MIPOL1: variants seen among roughly 807,000 people sequenced by gnomAD.
MIPOL1 encodes the protein mirror-image polydactyly gene 1 protein.
In MIPOL1, 57 loss-of-function variants were observed where a neutral mutation model predicts 60.9. The ratio of observed to expected loss-of-function variants is 0.94; its 90% CI spans 0.76 to 1.17. The LOEUF (loss-of-function observed/expected upper bound fraction) is 1.17, where lower values mean the gene tolerates loss of function less well. Ranked by LOEUF, MIPOL1 falls within the 50% of genes most tolerant of loss-of-function variation. The pLI is 0.00. For missense variants in MIPOL1, 551 were observed against 511.6 expected (o/e 1.08, Z -0.74); for synonymous variants, 179 against 168.8 (o/e 1.06, Z -0.47).
chr14:37,322,463 AT>A (rs1443642686), intron 9 of MIPOL1, among the ~76,000 whole-genome samples: 1 of 151,742 alleles, frequency 6.6e-6, no homozygotes, highest in African/African-American at 2.4e-5. Flanking sequence ...GACCACATTT[AT>A]TTGTTTTACT....
intron 3 of MIPOL1, among the ~76,000 whole-genome samples, chr14:37,262,285 C>G (rs1029373669): frequency 2.0e-5 from 3 of 151,674 alleles, no homozygotes; most frequent in African/African-American, 7.3e-5. Context: ...CGGCATTGTT[C>G]TGATTATTTC....
At chr14:37,399,945 AC>A (rs1367890820) in intron 10 of MIPOL1, 1 of 152,168 alleles carries the variant, frequency 6.6e-6, no homozygotes, top group Non-Finnish European at 1.5e-5. Flanking sequence ...ATGATTGATC[AC>A]CCACTGGAAA....
intron 9 of MIPOL1, among the ~76,000 whole-genome samples, chr14:37,315,087 G>T (rs1025721900): frequency 2.6e-5 from 4 of 152,124 alleles, no homozygotes; most frequent in African/African-American, 9.7e-5. Context: ...GACAGCAGCT[G>T]GGGGGTGGGA....
At chr14:37,514,673 G>A (rs2095355282) in intron 12 of MIPOL1, among the ~76,000 whole-genome samples, 1 of 151,154 alleles carries the variant, frequency 6.6e-6, no homozygotes, top group Admixed American at 6.6e-5. Flanking sequence ...CCAGGCTGGA[G>A]TACAATGGCG....
chr14:37,251,026 G>A (rs1378203448), intron 3 of MIPOL1, among the ~76,000 whole-genome samples: 1 of 152,050 alleles, frequency 6.6e-6, no homozygotes, highest in Non-Finnish European at 1.5e-5. Flanking sequence ...GATGGGCTGG[G>A]TGATGACATC....
chr14:37,351,059 T>A lies in MIPOL1; in HGVS notation c.829-18458T>A, dbSNP rs1258285168. On this transcript the variant is annotated intron_variant, in intron 9 of 12. Coordinates refer to ENST00000684589, the MANE Select transcript of MIPOL1 (RefSeq NM_001388067.1). ...ATCTCCCAATGCTATCCCTCCCCCC[T>A]CCCCCCACCCCACAACGGTCCCCAG... 1.2e-3 allele frequency among the ~76,000 whole-genome samples: 9 copies of A among 7,378 alleles called. 1 individual carries two copies. Among genetic ancestry groups the A allele is most frequent in the Non-Finnish European group, 1.8e-3 (8 of 4,330 alleles). 4.8% of individuals were successfully genotyped at this position (7,378 alleles called of 152,430 possible).
intron 10 of MIPOL1, among the ~76,000 whole-genome samples, chr14:37,375,978 G>T (rs1327394693): frequency 6.6e-6 from 1 of 151,978 alleles, no homozygotes; most frequent in Non-Finnish European, 1.5e-5. Context: ...TATTTCTAAA[G>T]AATAAATGTT....
chr14:37,306,109 A>C lies in MIPOL1; in HGVS notation c.624-1947A>C, dbSNP rs575775012. Among the ~76,000 whole-genome samples, 452 of 152,000 alleles carry C rather than the reference A, an allele frequency of 3.0e-3. 4 individuals are homozygous for C. The highest frequency in any genetic ancestry group is 0.01 in the African/African-American group (423 of 41,544). On this transcript the variant is annotated intron_variant, in intron 7 of 12. Coordinates refer to ENST00000684589, the MANE Select transcript of MIPOL1 (RefSeq NM_001388067.1). ...TTTAAATTATTAGTAGGGAATTTTA[A>C]TATTAGACTAAATACAATTATCTTA...
Position 37,392,675 on chromosome 14 carries a change from AT to A in MIPOL1, c.936+23052del, listed in dbSNP as rs558435127. Among the ~76,000 whole-genome samples the A allele has an allele frequency of 5.9e-5, 9 of 152,246 alleles. No individual in the cohort carries two copies. The South Asian group carries it at 1.9e-3, about 32-fold the overall frequency. Reference sequence around the variant, plus strand: ...TGTGGTTTTTTTGTAAATATCCTTTATCCCTGTGAGAAAGTTTTAGGCACTG... The same window carrying A: ...TGTGGTTTTTTTGTAAATATCCTTTACCCTGTGAGAAAGTTTTAGGCACTG... On this transcript the variant is annotated intron_variant, in intron 10 of 12. Coordinates refer to ENST00000684589, the MANE Select transcript of MIPOL1 (RefSeq NM_001388067.1).
At chr14:37,360,653 C>T (rs531886072) in intron 9 of MIPOL1, among the ~76,000 whole-genome samples, 105 of 149,852 alleles carry the variant, frequency 7.0e-4, no homozygotes, top group African/African-American at 2.4e-3. Flanking sequence ...TGTGTGGGAT[C>T]GGTGGTGATA....
chr14:37,519,246 A>C (rs573320128), intron 12 of MIPOL1, among the ~76,000 whole-genome samples: 5 of 152,270 alleles, frequency 3.3e-5, no homozygotes, highest in African/African-American at 1.2e-4. Flanking sequence ...GGGTTTAGAC[A>C]TAGGGATTTA....
chr14:37,267,034 A>T lies in MIPOL1; in HGVS notation c.116A>T (p.His39Leu), dbSNP rs1310824517. The T allele has an allele frequency of 1.2e-6, 2 of 1,614,012 alleles. No individual in the cohort carries two copies. The highest frequency in any genetic ancestry group is 4.5e-5 in the East Asian group (2 of 44,818). ...ACTATGAATTCTGAGAAAAGTATGCATCGGAAATCCACTGAATTAGTTAAT... is the reference window on the plus strand; with the variant it reads ...ACTATGAATTCTGAGAAAAGTATGCTTCGGAAATCCACTGAATTAGTTAAT... ...QLTMNSEKSMHRKSTELVNEI... is the reference protein window; with the variant it reads ...QLTMNSEKSMLRKSTELVNEI... The change falls in exon 4 of 13, where the codon CAT (histidine) becomes CTT (leucine). Residue 39 changes from histidine to leucine, a missense_variant. His to Leu is a moderately conservative substitution (Grantham distance 99). Coordinates refer to ENST00000684589, the MANE Select transcript of MIPOL1 (RefSeq NM_001388067.1).
intron 10 of MIPOL1, 108 bp from the exon 11 acceptor site, chr14:37,422,747 T>C (rs541434424): frequency 5.8e-5 from 20 of 346,638 alleles, no homozygotes; most frequent in African/African-American, 4.1e-4. Flanking sequence ...CATTCATAGG[T>C]TTTTTTTTTT....
chr14:37,486,906 T>C lies in MIPOL1; in HGVS notation c.1032-13002T>C, dbSNP rs113895365. Among the ~76,000 whole-genome samples the C allele has an allele frequency of 8.4e-3, 1,285 of 152,324 alleles. 18 individuals carry two copies. Among genetic ancestry groups the C allele is most frequent in the African/African-American group, 0.028 (1,178 of 41,570 alleles). On this transcript the variant is annotated intron_variant, in intron 11 of 12. Transcript: ENST00000684589. ...GTGGGTATGAGAGGGCATCCTTGTC[T>C]TGTGCCAGTTTTCAAAGGGAATTCT...
At chr14:37,310,438 C>T (rs538188044) in intron 9 of MIPOL1, among the ~76,000 whole-genome samples, 1 of 152,252 alleles carries the variant, frequency 6.6e-6, no homozygotes, top group East Asian at 1.9e-4. Flanking sequence ...CTTCTGCATG[C>T]CCACAGCCAT....
chr14:37,224,095 C>T (rs1969290168), intron 1 of MIPOL1, among the ~76,000 whole-genome samples: 1 of 152,158 alleles, frequency 6.6e-6, no homozygotes, highest in African/African-American at 2.4e-5. Context: ...AATGGCAGCA[C>T]CTGTATCTAA....
chr14:37,524,839 A>T (rs575024412), intron 12 of MIPOL1, among the ~76,000 whole-genome samples: 1 of 152,110 alleles, frequency 6.6e-6, no homozygotes, highest in Non-Finnish European at 1.5e-5. Flanking sequence ...AAGTGCTGGG[A>T]TTACAAGCAT....
chr14:37,311,859 A>G (rs992159828), intron 9 of MIPOL1, among the ~76,000 whole-genome samples: 1 of 152,090 alleles, frequency 6.6e-6, no homozygotes, highest in African/African-American at 2.4e-5. Context: ...TAGTGTCCTT[A>G]TGTTCCATGA....
intron 11 of MIPOL1, among the ~76,000 whole-genome samples, chr14:37,496,718 C>G (rs1461045360): frequency 2.0e-5 from 3 of 151,920 alleles, no homozygotes; most frequent in African/African-American, 7.3e-5. Context: ...TGAAAATGGC[C>G]ATACTGCCCA....
Sources: allele counts gnomAD v4.1 joint callset (sites outside exome capture counted in the v4.1 genomes callset), GRCh38; gene constraint gnomAD v4.1.1; transcripts MANE v1.5; gene names NCBI Gene and HGNC (gene_info 2026-07-23, HGNC 2026-07-21).